ESCO2: variants seen among roughly 807,000 people sequenced by gnomAD.
ESCO2 encodes N-acetyltransferase ESCO2.
In ESCO2, 51 loss-of-function variants were observed where a neutral mutation model predicts 61.7. The ratio of observed to expected loss-of-function variants is 0.83; its 90% confidence interval spans 0.66 to 1.04. ESCO2 has a LOEUF of 1.04. Ranked by LOEUF, ESCO2 falls within the 50% of genes least tolerant of loss-of-function variation. The pLI, the probability that ESCO2 is intolerant of heterozygous loss-of-function variation, is 0.00. For missense variants in ESCO2, 692 were observed against 686.2 expected, an observed-to-expected ratio of 1.01 and a Z score of -0.09; for synonymous variants, 230 against 238.2, an observed-to-expected ratio of 0.97 and a Z score of 0.32.
At chr8:27,792,841 A>C in intron 9 of ESCO2, 30 bp downstream of exon 9, 1 of 1,543,352 alleles carries the variant, frequency 6.5e-7, no homozygotes, top group Non-Finnish European at 8.7e-7. Context: ...AATTATTGGC[A>C]TAATTTGCAG....
downstream of ESCO2, among the ~76,000 whole-genome samples, chr8:27,813,968 T>C (rs537888022): frequency 6.6e-6 from 1 of 152,346 alleles, no homozygotes; most frequent in Admixed American, 6.5e-5. Context: ...TATGTGTTAA[T>C]GTGATATTTT....
downstream of ESCO2, among the ~76,000 whole-genome samples, chr8:27,805,708 T>G (rs1014962105): frequency 1.3e-5 from 2 of 152,160 alleles, no homozygotes; most frequent in African/African-American, 4.8e-5. Flanking sequence ...CCTCCCAGGT[T>G]CAAGTGATCT....
chr8:27,777,834 C>T (rs17057834), intron 3 of ESCO2: 16,118 of 152,198 alleles, frequency 0.11, 958 homozygotes, highest in East Asian at 0.24. Context: ...ACCCTTGTAG[C>T]TGGAGAAATG....
In ESCO2 at chr8:27,805,001, G is replaced by GCTTTGAGTTTAGT. The variant is rs1585414455; in HGVS notation, c.*1563_*1564insCTTTGAGTTTAGT. On this transcript the variant is annotated 3_prime_UTR_variant, in exon 11 of 11. Coordinates refer to ENST00000305188, the MANE Select transcript of ESCO2 (RefSeq NM_001017420.3). ...AGATTGCCAAAAGAAGAGGCTTCCCGGCCGGGCGCGGTGGCTCACGCCTGT... is the reference window on the plus strand; with the variant it reads ...AGATTGCCAAAAGAAGAGGCTTCCCGCTTTGAGTTTAGTGCCGGGCGCGGTGGCTCACGCCTGT... 3.6e-4 allele frequency: 66 copies of GCTTTGAGTTTAGT among 183,990 alleles called. No homozygotes were observed. The highest frequency in any genetic ancestry group is 4.6e-4 in the Non-Finnish European group (58 of 125,622). 11.4% of individuals were successfully genotyped at this position (183,990 alleles called of 1,614,324 possible).
At chr8:27,772,556 G>A, upstream of ESCO2, 1 of 1,549,052 alleles carries the variant, frequency 6.5e-7, no homozygotes, top group Non-Finnish European at 8.7e-7. Context: ...CGGGAGCGGT[G>A]CGGTGACTCC....
chr8:27,805,779 T>G (rs1232499560), downstream of ESCO2, among the ~76,000 whole-genome samples: 1 of 152,008 alleles, frequency 6.6e-6, no homozygotes, highest in Non-Finnish European at 1.5e-5. Context: ...TCTGCTTAAT[T>G]TTTGTATTCT....
upstream of ESCO2, among the ~76,000 whole-genome samples, chr8:27,773,436 AC>A (rs1248797590): frequency 6.7e-6 from 1 of 149,832 alleles, no homozygotes; most frequent in African/African-American, 2.4e-5. Context: ...CAAAGGCCAG[AC>A]AGAGCTCATA....
At position 27,804,846 on chromosome 8, in the gene ESCO2, C is replaced by T. The variant is rs1038023048; in HGVS notation, c.*1408C>T. ...TATTTTATTTAAAATTTTTAATTAA[C>T]ATTTTGTTTGCTTAATGCTTTTGTT... On this transcript the variant is annotated 3_prime_UTR_variant, in exon 11 of 11. Transcript: ENST00000305188. 4.9e-6 allele frequency: 4 copies of T among 823,588 alleles called. No individual in the cohort carries two copies. The highest frequency in any genetic ancestry group is 6.3e-5 in the Admixed American group (1 of 15,986). The allele number at this position is 823,588 out of a possible 1,614,324, so 51.0% of individuals were successfully genotyped here. A position where few individuals can be genotyped will look rare whatever the true frequency, so the allele number is the denominator to read the frequency against.
chr8:27,811,171 C>T (rs1178671275), downstream of ESCO2: 2 of 1,607,878 alleles, frequency 1.2e-6, no homozygotes, highest in African/African-American at 2.7e-5. Flanking sequence ...GCAGGAGCTA[C>T]AAATCACGAA....
At chr8:27,778,008 TG>T (rs1200942399) in intron 3 of ESCO2, 1 of 152,220 alleles carries the variant, frequency 6.6e-6, no homozygotes, top group Non-Finnish European at 1.5e-5. Context: ...AATAAATTGG[TG>T]GCCAGTAAAC....
At chr8:27,816,358 T>TA (rs199549055), downstream of ESCO2, among the ~76,000 whole-genome samples, 9,066 of 123,208 alleles carry the variant, frequency 0.074, 627 homozygotes, top group East Asian at 0.15. Flanking sequence ...TATATATATA[T>TA]TTATTTATTT....
intron 9 of ESCO2, among the ~76,000 whole-genome samples, chr8:27,793,535 G>A (rs992157267): frequency 4.0e-4 from 59 of 145,900 alleles, no homozygotes; most frequent in African/African-American, 1.5e-3. Context: ...TGCCCAGGCT[G>A]GAGTGCAGTG....
chr8:27,783,152 C>T lies in ESCO2; in HGVS notation c.956-848C>T, dbSNP rs139312458. ...CTACATTTTATTGTTACTCTCCTTC[C>T]CCTCAGCCCCCTGGCAACAATTAAT... On this transcript the variant is annotated intron_variant, in intron 4 of 10. Coordinates refer to ENST00000305188, the MANE Select transcript of ESCO2 (RefSeq NM_001017420.3). Among the ~76,000 whole-genome samples, 766 of 152,290 alleles carry T rather than the reference C, an allele frequency of 5.0e-3. 10 individuals are homozygous for T. The highest frequency in any genetic ancestry group is 0.01 in the Middle Eastern group (3 of 294).
downstream of ESCO2, chr8:27,810,259 G>A (rs757494228): frequency 7.8e-7 from 1 of 1,283,098 alleles, no homozygotes; most frequent in East Asian, 2.3e-5. Context: ...AAATATTTTG[G>A]AATAAACAGT....
intron 10 of ESCO2, among the ~76,000 whole-genome samples, chr8:27,803,035 G>A (rs1308034858): frequency 6.6e-6 from 1 of 152,034 alleles, no homozygotes; most frequent in Non-Finnish European, 1.5e-5. Flanking sequence ...GCCTGGCCTA[G>A]CAATATGATC....
chr8:27,777,213 CTT>C (rs761040940), intron 3 of ESCO2, 44 bp downstream of exon 3: 5 of 1,545,638 alleles, frequency 3.2e-6, no homozygotes, highest in Non-Finnish European at 3.5e-6. Flanking sequence ...TATAACAAAA[CTT>C]CAGTATAAAT....
In ESCO2 at chr8:27,804,574, C is replaced by T; in HGVS notation, c.*1136C>T. On this transcript the variant is annotated 3_prime_UTR_variant, in exon 11 of 11. Coordinates refer to ENST00000305188, the MANE Select transcript of ESCO2 (RefSeq NM_001017420.3). ...TTCTTGGATACTTTAAAAAGCAAAA[C>T]ATTGTTCAAATTGTTTTGATTCTGA... The T allele has an allele frequency of 1.0e-6, 1 of 985,320 alleles. No homozygotes were observed. Among genetic ancestry groups the T allele is most frequent in the East Asian group, 1.1e-4 (1 of 8,810 alleles). 61.0% of individuals were successfully genotyped at this position (985,320 alleles called of 1,614,324 possible). A position where few individuals can be genotyped will look rare whatever the true frequency, so the allele number is the denominator to read the frequency against.
chr8:27,813,842 T>G (rs757636391), downstream of ESCO2, among the ~76,000 whole-genome samples: 3 of 152,226 alleles, frequency 2.0e-5, no homozygotes, highest in African/African-American at 7.2e-5. Context: ...AGTATTAGAC[T>G]GAATTGGCTA....
chr8:27,805,287 C>CAAAAAAAAAAAAAAA (rs869039051), exon 11 of ESCO2: 3 of 46,022 alleles, frequency 6.5e-5, no homozygotes, highest in African/African-American at 3.9e-4. Context: ...GACTCCGTCT[C>CAAAAAAAAAAAAAAA]AAAAAAAAAA....
Sources: gnomAD v4.1 joint callset for allele counts (sites outside exome capture counted in the v4.1 genomes callset) on GRCh38, gnomAD v4.1.1 for gene constraint, MANE v1.5 for transcripts, NCBI Gene and HGNC (gene_info 2026-07-23, HGNC 2026-07-21) for gene names.